ATP8B4: variants seen among roughly 807,000 people sequenced by gnomAD.
ATP8B4 encodes the protein probable phospholipid-transporting ATPase IM.
In ATP8B4, 133 loss-of-function variants were observed where a neutral mutation model predicts 145.6. The observed-to-expected ratio is 0.91, with a 90% CI of 0.79 to 1.05. ATP8B4 has a LOEUF of 1.05. Ranked by LOEUF, ATP8B4 falls within the 50% of genes least tolerant of loss-of-function variation. ATP8B4 has a pLI of 0.00. For synonymous variants in ATP8B4, 507 were observed against 492.9 expected (o/e 1.03, Z -0.38); for missense variants, 1,458 against 1,425.2 (o/e 1.02, Z -0.37).
chr15:49,920,257 T>C lies in ATP8B4; in HGVS notation c.1912A>G (p.Arg638Gly), dbSNP rs944414778. The C allele has an allele frequency of 5.0e-6, 8 of 1,613,938 alleles. No homozygotes were observed. In the African/African-American group the frequency reaches 1.1e-4, roughly 22 times the overall value. ...TTCTAAACTCATACCATCAAATCTCTTTCAATTTCTTCATATAGCCCAGCT... is the reference window on the plus strand; with the variant it reads ...TTCTAAACTCATACCATCAAATCTCCTTCAATTTCTTCATATAGCCCAGCT... Reference protein sequence around the residue: ...RIAGLYEEIERDLMLLGATAV... With the variant: ...RIAGLYEEIEGDLMLLGATAV... The change falls in exon 18 of 28, where the codon AGA becomes GGA. Residue 638 changes from arginine to glycine, a missense_variant. Physicochemically the swap from Arg to Gly is moderately radical, Grantham distance 125. Coordinates refer to ENST00000284509, the MANE Select transcript of ATP8B4 (RefSeq NM_024837.4).
rs149124679 is a variant in ATP8B4 at position 50,134,846 on chromosome 15, G to A, written c.-42-27838C>T. ...ATTGACAAAAATAAGGAGAGTGAAC[G>A]TGGAACAAATTCTGGTCCATCTGTT... is the stretch of plus-strand genomic sequence containing the variant. On this transcript the variant is annotated intron_variant, in intron 1 of 3. Coordinates refer to the ATP8B4 transcript ENST00000558829. Among the ~76,000 whole-genome samples, 1,027 of 152,280 alleles carry A rather than the reference G, an allele frequency of 6.7e-3. 9 individuals are homozygous for A. Among genetic ancestry groups the A allele is most frequent in the Non-Finnish European group, 0.01 (691 of 68,016 alleles).
Position 50,175,244 on chromosome 15 carries a change from TCATGAACAAAAACC to T in ATP8B4, c.-43+7003_-43+7016del, listed in dbSNP as rs1464284923. 9.8e-5 allele frequency among the ~76,000 whole-genome samples: 15 copies of T among 152,288 alleles called. No homozygotes were observed. In the South Asian group the frequency reaches 2.9e-3, roughly 29 times the overall value. ...CTAGACATTGGCTTATGCAAGGATT[TCATGAACAAAAACC>T]CAAAACCAAATGCAATAAAAACAAA... On this transcript the variant is annotated intron_variant, in intron 1 of 3. Coordinates refer to the ATP8B4 transcript ENST00000558829.
intron 21 of ATP8B4, among the ~76,000 whole-genome samples, chr15:49,898,880 G>A (rs2037716202): frequency 6.6e-6 from 1 of 152,248 alleles, no homozygotes; most frequent in Admixed American, 6.5e-5. Context: ...AAATGCATAA[G>A]AGCCTTTAGC....
At chr15:49,890,018 G>T (rs2036620484) in intron 23 of ATP8B4, among the ~76,000 whole-genome samples, 1 of 152,162 alleles carries the variant, frequency 6.6e-6, no homozygotes, top group Admixed American at 6.5e-5. Context: ...TTTTGGTAGA[G>T]AAATAAAAGA....
chr15:49,881,432 T>C (rs1007880657), intron 23 of ATP8B4, among the ~76,000 whole-genome samples: 1 of 152,206 alleles, frequency 6.6e-6, no homozygotes, highest in South Asian at 2.1e-4. Context: ...ACAAAATTCA[T>C]GAAAATTTAA....
At chr15:49,958,960 C>T (rs1348449139) in intron 14 of ATP8B4, among the ~76,000 whole-genome samples, 1 of 151,850 alleles carries the variant, frequency 6.6e-6, no homozygotes, top group Non-Finnish European at 1.5e-5. Flanking sequence ...GGAAGGATCC[C>T]TTATTTATGT....
chr15:49,873,501 A>G (rs28581967), intron 25 of ATP8B4, among the ~76,000 whole-genome samples: 1,710 of 152,318 alleles, frequency 0.011, 39 homozygotes, highest in African/African-American at 0.039. Flanking sequence ...TGTGACACAA[A>G]GTTAAGTGAA....
chr15:50,003,551 A>T (rs1567179807), intron 7 of ATP8B4, among the ~76,000 whole-genome samples: 1 of 152,048 alleles, frequency 6.6e-6, no homozygotes, highest in Non-Finnish European at 1.5e-5. Context: ...AGGAAAAAAA[A>T]ATTTTTTTTG....
intron 14 of ATP8B4, among the ~76,000 whole-genome samples, chr15:49,946,650 T>C (rs1230108274): frequency 6.6e-6 from 1 of 152,176 alleles, no homozygotes; most frequent in African/African-American, 2.4e-5. Flanking sequence ...TCCTGTTTCT[T>C]GCAACCCAGG....
At chr15:50,134,525 C>T (rs2044095807) in intron 1 of ATP8B4, among the ~76,000 whole-genome samples, 1 of 152,092 alleles carries the variant, frequency 6.6e-6, no homozygotes, top group African/African-American at 2.4e-5. Context: ...AGAGTATCTG[C>T]AAAGAACATC....
chr15:50,000,441 T>C (rs1389157472), intron 8 of ATP8B4, among the ~76,000 whole-genome samples: 2 of 148,108 alleles, frequency 1.4e-5, no homozygotes, highest in Non-Finnish European at 2.9e-5. Flanking sequence ...ATTTCCTCAG[T>C]AGTTAATGAT....
chr15:50,047,649 T>C (rs2051828146), intron 3 of ATP8B4, among the ~76,000 whole-genome samples, 185 bp from the exon 4 acceptor site: 1 of 152,002 alleles, frequency 6.6e-6, no homozygotes, highest in Admixed American at 6.6e-5. Context: ...CTAGATGAAA[T>C]TACTGGTCCA....
At chr15:49,867,096 T>C (rs1325881462) in intron 25 of ATP8B4, among the ~76,000 whole-genome samples, 2 of 152,206 alleles carry the variant, frequency 1.3e-5, no homozygotes, top group African/African-American at 2.4e-5. Flanking sequence ...TCTAGTAACT[T>C]GTTGCGGCAG....
chr15:50,025,769 G>C lies in ATP8B4; in HGVS notation c.362+12999C>G, dbSNP rs545178593. ...CCAGACACTAAGCTCTGTGATTGCA[G>C]AGAACATGTCTGTTTGGGTTGACCT... is the stretch of plus-strand genomic sequence containing the variant. On this transcript the variant is annotated intron_variant, in intron 6 of 27. Transcript: ENST00000284509. 3.3e-5 allele frequency among the ~76,000 whole-genome samples: 5 copies of C among 152,356 alleles called. No individual in the cohort carries two copies. In the East Asian group the frequency reaches 9.6e-4, roughly 29 times the overall value.
intron 27 of ATP8B4, among the ~76,000 whole-genome samples, chr15:49,862,002 T>C (rs2031906640): frequency 1.3e-5 from 2 of 152,218 alleles, no homozygotes; most frequent in South Asian, 2.1e-4. Context: ...AAATACCCAG[T>C]TCAACTTGTA....
intron 23 of ATP8B4, chr15:49,897,079 AAAAT>A (rs2037472877): frequency 1.4e-5 from 7 of 518,490 alleles, no homozygotes; most frequent in Non-Finnish European, 2.4e-5. Flanking sequence ...TCTAAATAAG[AAAAT>A]AAATAAATAA....
chr15:49,992,444 G>A (rs2047114072), intron 9 of ATP8B4, among the ~76,000 whole-genome samples: 1 of 152,144 alleles, frequency 6.6e-6, no homozygotes, highest in African/African-American at 2.4e-5. Context: ...TGAATAATGG[G>A]TGACTGTATG....
intron 6 of ATP8B4, chr15:50,019,027 C>G: frequency 1.1e-6 from 1 of 912,042 alleles, no homozygotes; most frequent in Non-Finnish European, 1.5e-6. Flanking sequence ...CCATGAATGA[C>G]AAATCTTGAT....
chr15:50,123,709 AT>A (rs2057288620), upstream of ATP8B4, among the ~76,000 whole-genome samples: 1 of 152,134 alleles, frequency 6.6e-6, no homozygotes, highest in African/African-American at 2.4e-5. Flanking sequence ...CTCTGTTGCA[AT>A]TCCCCTGTCT....
Sources: gnomAD v4.1 joint callset for allele counts (sites outside exome capture counted in the v4.1 genomes callset) on GRCh38, gnomAD v4.1.1 for gene constraint, MANE v1.5 for transcripts, NCBI Gene and HGNC (gene_info 2026-07-23, HGNC 2026-07-21) for gene names.